Variants in NXPH1 observed in about 807,000 individuals in gnomAD.
The protein encoded by NXPH1 is neurexophilin-1.
In NXPH1, 5 loss-of-function variants were observed where a neutral mutation model predicts 23.7. That is an observed-to-expected ratio of 0.21 (90% confidence interval 0.11 to 0.44). The LOEUF is 0.44. Among genes scored for constraint, NXPH1 ranks in the 20% least tolerant of loss-of-function variants. The probability of loss-of-function intolerance (pLI) is 0.99; values close to 1 mark genes in which losing one functional copy is unlikely to be tolerated. For synonymous variants in NXPH1, 144 were observed against 122.2 expected, an observed-to-expected ratio of 1.18 and a Z score of -1.18; for missense variants, 324 against 321.6, an observed-to-expected ratio of 1.01 and a Z score of -0.06.
intron 2 of NXPH1, among the ~76,000 whole-genome samples, chr7:8,543,450 C>T (rs1818149594): frequency 6.6e-6 from 1 of 151,500 alleles, no homozygotes; most frequent in Non-Finnish European, 1.5e-5. Flanking sequence ...TTGTATTCAG[C>T]AGGTTTTAAA....
chr7:8,631,069 C>A (rs909483095), intron 2 of NXPH1, among the ~76,000 whole-genome samples: 4 of 152,088 alleles, frequency 2.6e-5, no homozygotes, highest in Admixed American at 6.6e-5. Flanking sequence ...GGATAATGGC[C>A]TCTAGTGCCA....
chr7:8,461,856 A>G (rs1816702812), intron 2 of NXPH1, among the ~76,000 whole-genome samples: 1 of 150,748 alleles, frequency 6.6e-6, no homozygotes, highest in Non-Finnish European at 1.5e-5. Flanking sequence ...AAAAAAGAAT[A>G]AACACACAAG....
intron 2 of NXPH1, among the ~76,000 whole-genome samples, chr7:8,609,894 G>A (rs1169097556): frequency 6.6e-6 from 1 of 152,126 alleles, no homozygotes; most frequent in African/African-American, 2.4e-5. Flanking sequence ...TAAAATAAGT[G>A]AGGATGATTA....
At chr7:8,654,590 C>T (rs568512633) in intron 2 of NXPH1, among the ~76,000 whole-genome samples, 7 of 152,290 alleles carry the variant, frequency 4.6e-5, no homozygotes, top group South Asian at 4.1e-4. Context: ...GGAGTTCCTC[C>T]TCTTTGTGTG....
At chr7:8,462,443 C>T (rs746251242) in intron 2 of NXPH1, among the ~76,000 whole-genome samples, 3 of 152,202 alleles carry the variant, frequency 2.0e-5, no homozygotes, top group Non-Finnish European at 4.4e-5. Context: ...TAACAGCTCC[C>T]TGGTAATAGG....
intron 2 of NXPH1, among the ~76,000 whole-genome samples, chr7:8,663,204 A>G (rs1820707107): frequency 6.6e-6 from 1 of 152,108 alleles, no homozygotes. Flanking sequence ...TTACTTGCAA[A>G]AAGAAGGAGA....
intron 2 of NXPH1, among the ~76,000 whole-genome samples, chr7:8,525,992 A>G (rs1234189764): frequency 8.9e-6 from 1 of 112,584 alleles, no homozygotes; most frequent in Non-Finnish European, 1.9e-5. Flanking sequence ...TCCAGACCCC[A>G]GAATGGTAGT....
intron 2 of NXPH1, among the ~76,000 whole-genome samples, chr7:8,744,547 C>T (rs958965986): frequency 3.3e-5 from 5 of 152,116 alleles, no homozygotes; most frequent in Admixed American, 1.3e-4. Flanking sequence ...TATTACCACA[C>T]GTTTCTTGCA....
chr7:8,491,777 A>G (rs2128611265), intron 2 of NXPH1, among the ~76,000 whole-genome samples: 1 of 152,206 alleles, frequency 6.6e-6, no homozygotes, highest in Admixed American at 6.6e-5. Flanking sequence ...AAATATCTAC[A>G]TTCATTTTCC....
intron 2 of NXPH1, among the ~76,000 whole-genome samples, chr7:8,522,295 C>T (rs1000535396): frequency 6.6e-6 from 1 of 152,184 alleles, no homozygotes; most frequent in African/African-American, 2.4e-5. Flanking sequence ...CCATTTTCTG[C>T]TGGGCTAGCT....
At chr7:8,675,919 C>T (rs1820944670) in intron 2 of NXPH1, among the ~76,000 whole-genome samples, 1 of 152,050 alleles carries the variant, frequency 6.6e-6, no homozygotes, top group Admixed American at 6.6e-5. Flanking sequence ...TTCTCTTTTG[C>T]CACTTGTTGG....
chr7:8,605,187 T>C (rs1237660231), intron 2 of NXPH1, among the ~76,000 whole-genome samples: 2 of 152,176 alleles, frequency 1.3e-5, no homozygotes, highest in Admixed American at 1.3e-4. Context: ...TGAAAGGTGA[T>C]ATAAAAATGC....
At chr7:8,640,630 T>C (rs1820293444) in intron 2 of NXPH1, among the ~76,000 whole-genome samples, 1 of 152,126 alleles carries the variant, frequency 6.6e-6, no homozygotes, top group African/African-American at 2.4e-5. Flanking sequence ...CTTATTCTTT[T>C]AGATAAAATT....
intron 2 of NXPH1, among the ~76,000 whole-genome samples, chr7:8,461,041 T>C (rs1361190533): frequency 6.6e-6 from 1 of 152,220 alleles, no homozygotes; most frequent in Non-Finnish European, 1.5e-5. Flanking sequence ...TGGATAAGTA[T>C]TGGATGGACT....
chr7:8,449,064 C>T (rs1816458669), intron 2 of NXPH1, among the ~76,000 whole-genome samples: 1 of 152,198 alleles, frequency 6.6e-6, no homozygotes. Flanking sequence ...TTAAAATTTG[C>T]ACACAGTATA....
At chr7:8,557,627 C>T (rs1818381046) in intron 2 of NXPH1, among the ~76,000 whole-genome samples, 2 of 151,636 alleles carry the variant, frequency 1.3e-5, no homozygotes, top group Non-Finnish European at 3.0e-5. Context: ...GGGGTTTTAC[C>T]CATTGTTATT....
At chr7:8,545,372 A>G (rs1312380153) in intron 2 of NXPH1, among the ~76,000 whole-genome samples, 4 of 151,534 alleles carry the variant, frequency 2.6e-5, no homozygotes, top group Non-Finnish European at 4.4e-5. Flanking sequence ...ATGTTGCTCA[A>G]AATAAAATAT....
intron 2 of NXPH1, among the ~76,000 whole-genome samples, chr7:8,449,420 T>C (rs1329812674): frequency 1.3e-5 from 2 of 152,244 alleles, no homozygotes; most frequent in Non-Finnish European, 2.9e-5. Flanking sequence ...TGTTTATATT[T>C]TGAGGCAAGC....
At chr7:8,672,057 C>T (rs1299325334) in intron 2 of NXPH1, among the ~76,000 whole-genome samples, 4 of 152,120 alleles carry the variant, frequency 2.6e-5, no homozygotes, top group East Asian at 3.9e-4. Context: ...GTTGCCTGTT[C>T]GCTCTGATGG....
Sources: gnomAD v4.1 joint callset for allele counts (sites outside exome capture counted in the v4.1 genomes callset) on GRCh38, gnomAD v4.1.1 for gene constraint, MANE v1.5 for transcripts, NCBI Gene and HGNC (gene_info 2026-07-23, HGNC 2026-07-21) for gene names.